The following OTOA variants were observed in gnomAD, a reference collection of about 807,000 sequenced individuals.
OTOA encodes the protein otoancorin.
A neutral mutation model predicts 110.8 loss-of-function variants in OTOA; 70 were observed. The observed-to-expected ratio is 0.63, with a 90% confidence interval of 0.52 to 0.77. OTOA has a LOEUF of 0.77. OTOA is among the 30% of genes least tolerant of loss of function. OTOA has a pLI of 0.00. For synonymous variants in OTOA, 373 were observed against 431.5 expected (o/e 0.86, Z 1.68); for missense variants, 917 against 1,075.8 (o/e 0.85, Z 2.06).
At chr16:21,670,180 C>G (rs951536160) in intron 1 of OTOA, among the ~76,000 whole-genome samples, 1 of 151,482 alleles carries the variant, frequency 6.6e-6, no homozygotes, top group African/African-American at 2.4e-5. Context: ...TGGCTAATAT[C>G]CCTTCAGTGG....
At chr16:21,667,883 T>G (rs1032816588) in intron 1 of OTOA, among the ~76,000 whole-genome samples, 1 of 152,112 alleles carries the variant, frequency 6.6e-6, no homozygotes, top group Non-Finnish European at 1.5e-5. Context: ...TTTAAAAAAC[T>G]ATTTAAACAA....
chr16:21,680,590 A>T (rs946769356), intron 5 of OTOA, among the ~76,000 whole-genome samples: 8 of 151,890 alleles, frequency 5.3e-5, no homozygotes, highest in African/African-American at 1.9e-4. Context: ...ATGGTGGCTT[A>T]TCCTGTAATC....
At chr16:21,714,537 G>A (rs1157064461) in intron 13 of OTOA, among the ~76,000 whole-genome samples, 1 of 138,642 alleles carries the variant, frequency 7.2e-6, no homozygotes, top group Non-Finnish European at 1.5e-5. Flanking sequence ...TTCTGACAGA[G>A]TTTTGCTCTT....
intron 5 of OTOA, among the ~76,000 whole-genome samples, chr16:21,680,189 A>ATCCT (rs2141654003): frequency 6.6e-6 from 1 of 151,628 alleles, no homozygotes; most frequent in South Asian, 2.1e-4. Flanking sequence ...TAATTTATCC[A>ATCCT]TCCATCCATC....
At chr16:21,675,787 A>G (rs11074499) in intron 1 of OTOA, among the ~76,000 whole-genome samples, 30,126 of 151,834 alleles carry the variant, frequency 0.2, 4,465 homozygotes, top group East Asian at 0.41. Flanking sequence ...TTGAACTTCC[A>G]GAGTGTATTT....
chr16:21,721,252 C>CAT (rs1259940670), intron 17 of OTOA: 163 of 445,846 alleles, frequency 3.7e-4, no homozygotes, highest in South Asian at 1.6e-3. Context: ...CACACACACA[C>CAT]ACACACACAC....
chr16:21,733,437 G>C (rs4783416), intron 21 of OTOA, among the ~76,000 whole-genome samples: 45,099 of 151,364 alleles, frequency 0.3, 6,371 homozygotes, highest in East Asian at 0.35. Flanking sequence ...GGCTCTGGGT[G>C]TCCCAGGTGA....
intron 1 of OTOA, among the ~76,000 whole-genome samples, chr16:21,674,090 C>T (rs974441248): frequency 1.3e-5 from 2 of 152,186 alleles, no homozygotes; most frequent in Non-Finnish European, 2.9e-5. Context: ...AGCCACCATG[C>T]CCAGCCTGTG....
At chr16:21,705,100 C>T (rs1322686219) in intron 11 of OTOA, 69 bp from the exon 12 acceptor site, 4 of 1,610,976 alleles carry the variant, frequency 2.5e-6, no homozygotes, top group Admixed American at 1.7e-5. Flanking sequence ...TTTTATTACA[C>T]AAAATTGAAC....
At chr16:21,684,958 G>A (rs376394764) in intron 6 of OTOA, among the ~76,000 whole-genome samples, 2 of 151,914 alleles carry the variant, frequency 1.3e-5, no homozygotes, top group South Asian at 4.2e-4. Context: ...CACCATGTTG[G>A]CCAGGATGGT....
At chr16:21,759,472 A>AT (rs1182150346) in intron 28 of OTOA, among the ~76,000 whole-genome samples, 7,317 of 125,542 alleles carry the variant, frequency 0.058, 199 homozygotes, top group Middle Eastern at 0.11. Flanking sequence ...AGTTGTTTCT[A>AT]TTTTTTTTTT....
At chr16:21,679,317 A>G in intron 5 of OTOA, 106 bp downstream of exon 5, 1 of 1,196,254 alleles carries the variant, frequency 8.4e-7, no homozygotes, top group Non-Finnish European at 1.2e-6. Flanking sequence ...ATTACAAAAA[A>G]TGTCAATCAA....
chr16:21,678,465 T>A, intron 1 of OTOA, 46 bp from the exon 2 acceptor site: 1 of 1,085,272 alleles, frequency 9.2e-7, no homozygotes, highest in East Asian at 2.6e-5. Flanking sequence ...TATATATATA[T>A]ATATTAAAAA....
intron 17 of OTOA, among the ~76,000 whole-genome samples, chr16:21,720,924 A>T (rs962511749): frequency 6.7e-6 from 1 of 149,390 alleles, no homozygotes; most frequent in Non-Finnish European, 1.5e-5. Context: ...TATTATTATC[A>T]TTATTATTAT....
intron 13 of OTOA, among the ~76,000 whole-genome samples, chr16:21,712,912 A>T (rs1898403378): frequency 6.6e-6 from 1 of 152,158 alleles, no homozygotes; most frequent in South Asian, 2.1e-4. Context: ...AGTAGAATCC[A>T]TGCATCCAGA....
intron 11 of OTOA, among the ~76,000 whole-genome samples, chr16:21,702,825 G>A (rs1273508504): frequency 2.0e-5 from 3 of 152,170 alleles, no homozygotes; most frequent in Admixed American, 6.5e-5. Flanking sequence ...ACAGGCACAC[G>A]CCACCACGCC....
intron 18 of OTOA, among the ~76,000 whole-genome samples, chr16:21,724,016 C>G (rs368209624): frequency 1.6e-4 from 24 of 152,204 alleles, no homozygotes; most frequent in African/African-American, 5.8e-4. Flanking sequence ...TGGAGAGAAA[C>G]CACAAGGACT....
intron 5 of OTOA, among the ~76,000 whole-genome samples, chr16:21,680,522 C>CAAAT: frequency 6.8e-6 from 1 of 147,254 alleles, no homozygotes; most frequent in Non-Finnish European, 1.5e-5. Context: ...GCAAAACAAA[C>CAAAT]AAACAAACAA....
chr16:21,705,069 C>G (rs536124600), intron 11 of OTOA, 100 bp from the exon 12 acceptor site: 4 of 1,585,764 alleles, frequency 2.5e-6, no homozygotes, highest in Non-Finnish European at 2.6e-6. Context: ...GAGTCCGTGG[C>G]AACTGAAAAA....
Sources: allele counts gnomAD v4.1 joint callset (sites outside exome capture counted in the v4.1 genomes callset), GRCh38; gene constraint gnomAD v4.1.1; transcripts MANE v1.5; gene names NCBI Gene and HGNC (gene_info 2026-07-23, HGNC 2026-07-21).